VAT1L: variants seen among roughly 807,000 people sequenced by gnomAD.
VAT1L encodes putative NADPH-dependent quinone oxidoreductase VAT1L.
Under a neutral mutation model 44.1 loss-of-function variants are expected in VAT1L, and 34 were observed. The ratio of observed to expected loss-of-function variants is 0.77; its 90% CI spans 0.59 to 1.03. The LOEUF (loss-of-function observed/expected upper bound fraction) is 1.03. VAT1L is among the 50% of genes least tolerant of loss of function. The pLI is 0.00. For missense variants in VAT1L, 615 were observed against 538.8 expected (o/e 1.14, Z -1.40); for synonymous variants, 253 against 202.2 (o/e 1.25, Z -2.13).
intron 7 of VAT1L, among the ~76,000 whole-genome samples, chr16:77,927,742 GC>G (rs2017686419): frequency 6.6e-6 from 1 of 151,922 alleles, no homozygotes; most frequent in African/African-American, 2.4e-5. Flanking sequence ...GGTGGCACAC[GC>G]CTGTAGTCCC....
At chr16:77,946,080 G>T (rs191846335) in intron 7 of VAT1L, among the ~76,000 whole-genome samples, 2 of 151,804 alleles carry the variant, frequency 1.3e-5, no homozygotes, top group Non-Finnish European at 2.9e-5. Context: ...GATTACAGGC[G>T]TGAGCTACCA....
Position 77,964,824 on chromosome 16 carries a change from G to A in VAT1L, c.1078-7026G>A, listed in dbSNP as rs1423748051. On this transcript the variant is annotated intron_variant, in intron 7 of 8. Coordinates refer to ENST00000302536, the MANE Select transcript of VAT1L (RefSeq NM_020927.3). Reference sequence around the variant, plus strand: ...TTTTTTTTTTTTTAGATGGAGTTTCGCCCTTGTTGCCCAGGCTGGAGTGCA... The same window carrying A: ...TTTTTTTTTTTTTAGATGGAGTTTCACCCTTGTTGCCCAGGCTGGAGTGCA... 5.4e-4 allele frequency among the ~76,000 whole-genome samples: 60 copies of A among 112,116 alleles called. 2 individuals carry two copies. The Admixed American group carries it at 7.2e-3, about 13-fold the overall frequency. 73.6% of individuals were successfully genotyped at this position (112,116 alleles called of 152,430 possible).
At chr16:77,962,462 G>C (rs1057431340) in intron 7 of VAT1L, among the ~76,000 whole-genome samples, 1 of 152,140 alleles carries the variant, frequency 6.6e-6, no homozygotes, top group African/African-American at 2.4e-5. Flanking sequence ...GCCCCTCTAA[G>C]TGGGGCCCAG....
At chr16:77,842,276 T>C (rs1013887012) in intron 3 of VAT1L, among the ~76,000 whole-genome samples, 1 of 152,086 alleles carries the variant, frequency 6.6e-6, no homozygotes, top group Non-Finnish European at 1.5e-5. Flanking sequence ...CTGAGAGCCA[T>C]TGGAAACACA....
chr16:77,807,399 G>C (rs567885782), intron 1 of VAT1L, among the ~76,000 whole-genome samples: 1 of 152,282 alleles, frequency 6.6e-6, no homozygotes, highest in African/African-American at 2.4e-5. Flanking sequence ...TTCCTGACTG[G>C]TTGATGCAGG....
intron 1 of VAT1L, 135 bp from the exon 2 acceptor site, chr16:77,816,786 A>G (rs530999888): frequency 1.7e-5 from 16 of 939,568 alleles, no homozygotes; most frequent in South Asian, 1.4e-4. Flanking sequence ...TGCCAAAAAG[A>G]AAAAAAAAAG....
chr16:77,874,785 T>A (rs967224624), intron 4 of VAT1L, among the ~76,000 whole-genome samples: 1 of 140,492 alleles, frequency 7.1e-6, no homozygotes, highest in Non-Finnish European at 1.5e-5. Context: ...TACTACATCC[T>A]CCAGTGCCTA....
Position 77,979,388 on chromosome 16 carries a change from T to A in VAT1L, c.*1693T>A, listed in dbSNP as rs2018375339. 6.6e-6 allele frequency: 1 copy of A among 152,186 alleles called. No homozygotes were observed. Among genetic ancestry groups the A allele is most frequent in the Non-Finnish European group, 1.5e-5 (1 of 68,038 alleles). The allele number at this position is 152,186 out of a possible 1,614,324, so 9.4% of individuals were successfully genotyped here. A position where few individuals can be genotyped will look rare whatever the true frequency, so the allele number is the denominator to read the frequency against. On this transcript the variant is annotated 3_prime_UTR_variant, in exon 9 of 9. Coordinates refer to ENST00000302536, the MANE Select transcript of VAT1L (RefSeq NM_020927.3). ...GACCCACCAATATTCCAGTTCTGGG[T>A]CATTTAGAGAGATAATGGGGCGTTT... is the stretch of plus-strand genomic sequence containing the variant.
Position 77,978,317 on chromosome 16 carries a change from G to C in VAT1L, c.*622G>C, listed in dbSNP as rs2018362915. The C allele has an allele frequency of 6.6e-6, 1 of 152,422 alleles. No individual in the cohort carries two copies. Among genetic ancestry groups the C allele is most frequent in the Non-Finnish European group, 1.5e-5 (1 of 68,226 alleles). 9.4% of individuals were successfully genotyped at this position (152,422 alleles called of 1,614,324 possible). A position where few individuals can be genotyped will look rare whatever the true frequency, so the allele number is the denominator to read the frequency against. On this transcript the variant is annotated 3_prime_UTR_variant, in exon 9 of 9. Transcript: ENST00000302536. ...CTGACCCTTTCACTGGCTCTTATCT[G>C]TAAACACAGGGAGGCAGGTATGGAT...
chr16:77,928,563 A>G (rs918519764), intron 7 of VAT1L, among the ~76,000 whole-genome samples: 2 of 152,170 alleles, frequency 1.3e-5, no homozygotes, highest in African/African-American at 4.8e-5. Flanking sequence ...GACAACCAAC[A>G]TTTCCTCTTA....
chr16:77,923,949 TC>T (rs549064501), intron 7 of VAT1L, among the ~76,000 whole-genome samples: 255 of 151,848 alleles, frequency 1.7e-3, no homozygotes, highest in Middle Eastern at 3.4e-3. Context: ...GGGTCTGCCT[TC>T]CCCCCCTCCC....
At position 77,884,722 on chromosome 16, in the gene VAT1L, G is replaced by A. The variant is rs1442759326; in HGVS notation, c.997G>A (p.Gly333Arg). 6.2e-7 allele frequency: 1 copy of A among 1,606,714 alleles called. No individual in the cohort carries two copies. The highest frequency in any genetic ancestry group is 8.5e-7 in the Non-Finnish European group (1 of 1,176,564). Residue 333 changes from glycine (G) to arginine (R), a missense_variant, in exon 7 of 9, where the codon GGA becomes AGA. By Grantham distance (125) the Gly-to-Arg change is moderately radical. Coordinates refer to ENST00000302536, the MANE Select transcript of VAT1L (RefSeq NM_020927.3). The surrounding 1 kb of genome is among the most constrained non-coding windows in gnomAD (Gnocchi z 4.5). ...FKQGRAGLIR[G>R]VVEKLIGLYN... The stretch of plus-strand genomic sequence containing the variant: ...ACAAGGCCGGGCGGGCCTCATTCGG[G>A]GAGTGGTGGAAAAACTCATAGGGCT...
At chr16:77,802,619 C>CACACACACACACACACACACACACAA (rs1567468306) in intron 1 of VAT1L, among the ~76,000 whole-genome samples, 1 of 19,228 alleles carries the variant, frequency 5.2e-5, no homozygotes, top group Non-Finnish European at 1.0e-4. Context: ...ATCTCAAACA[C>CACACACACACACACACACACACACAA]ACACACACAC....
At chr16:77,819,995 C>A (rs1048499850) in intron 2 of VAT1L, among the ~76,000 whole-genome samples, 6 of 152,176 alleles carry the variant, frequency 3.9e-5, no homozygotes, top group Non-Finnish European at 7.3e-5. Context: ...TAATATTATA[C>A]CCATTTCAGA....
At chr16:77,900,194 A>G (rs1413408536) in intron 7 of VAT1L, among the ~76,000 whole-genome samples, 1 of 152,160 alleles carries the variant, frequency 6.6e-6, no homozygotes, top group Non-Finnish European at 1.5e-5. Flanking sequence ...TGAGTAAGGT[A>G]ATTTGCACAA....
chr16:77,862,647 A>T, intron 3 of VAT1L, 101 bp from the exon 4 acceptor site: 6 of 990,324 alleles, frequency 6.1e-6, no homozygotes, highest in South Asian at 2.0e-5. Context: ...AAAAAAAAAA[A>T]GTCAATAGTG....
At chr16:77,899,668 C>T (rs551075863) in intron 7 of VAT1L, among the ~76,000 whole-genome samples, 1 of 152,274 alleles carries the variant, frequency 6.6e-6, no homozygotes, top group African/African-American at 2.4e-5. Context: ...GCTCAACAGA[C>T]ACCAACTGAG....
chr16:77,938,130 C>A (rs2017826801), intron 7 of VAT1L, among the ~76,000 whole-genome samples: 1 of 152,136 alleles, frequency 6.6e-6, no homozygotes, highest in Non-Finnish European at 1.5e-5. Context: ...CCACTTTGGA[C>A]CTAATGAATC....
At chr16:77,889,627 A>C (rs138872934) in intron 7 of VAT1L, among the ~76,000 whole-genome samples, 15 of 152,356 alleles carry the variant, frequency 9.8e-5, no homozygotes, top group African/African-American at 3.6e-4. Context: ...TTAGAATATA[A>C]AATCTACAGT....
Sources: allele counts gnomAD v4.1 joint callset (sites outside exome capture counted in the v4.1 genomes callset), GRCh38; gene constraint gnomAD v4.1.1; non-coding constraint Gnocchi (gnomAD v3.1); transcripts MANE v1.5; gene names NCBI Gene and HGNC (gene_info 2026-07-23, HGNC 2026-07-21).